The following SLC39A11 variants were observed in gnomAD, a reference collection of about 807,000 sequenced individuals.
The protein encoded by SLC39A11 is zinc transporter ZIP11.
A neutral mutation model predicts 36.1 loss-of-function variants in SLC39A11; 33 were observed. That is an observed-to-expected ratio of 0.91 (90% CI 0.69 to 1.22). The LOEUF (loss-of-function observed/expected upper bound fraction) is 1.22, where lower values mean the gene tolerates loss of function less well. Among genes scored for constraint, SLC39A11 ranks in the 50% most tolerant of loss-of-function variants. The pLI is 0.00. For missense variants in SLC39A11, 432 were observed against 430.3 expected, an observed-to-expected ratio of 1.00 and a Z score of -0.03; for synonymous variants, 166 against 170.3, an observed-to-expected ratio of 0.97 and a Z score of 0.20.
At chr17:72,661,701 G>A (rs1447319840) in intron 7 of SLC39A11, among the ~76,000 whole-genome samples, 3 of 152,212 alleles carry the variant, frequency 2.0e-5, no homozygotes, top group African/African-American at 7.2e-5. Context: ...GGCCCTACCT[G>A]CTCAGAGGAG....
rs866441810 is a variant in SLC39A11, at chr17:72,646,770, C to G, written c.*814G>C. The G allele has an allele frequency of 6.6e-6, 1 of 152,502 alleles. No homozygotes were observed. The highest frequency in any genetic ancestry group is 1.5e-5 in the Non-Finnish European group (1 of 68,018). 9.4% of individuals were successfully genotyped at this position (152,502 alleles called of 1,614,324 possible). On this transcript the variant is annotated 3_prime_UTR_variant, in exon 10 of 10. Transcript: ENST00000255559. ...AGAAACATGATGGCTATAAACTTATCAAAATAAATGCCTAAGAAATTTGGA... is the reference window on the plus strand; with the variant it reads ...AGAAACATGATGGCTATAAACTTATGAAAATAAATGCCTAAGAAATTTGGA...
chr17:72,934,282 T>C (rs114963253), intron 5 of SLC39A11, among the ~76,000 whole-genome samples: 4 of 152,232 alleles, frequency 2.6e-5, no homozygotes, highest in African/African-American at 9.6e-5. Flanking sequence ...AAAGGCACTG[T>C]TAAGAAGAGG....
chr17:72,689,424 CAGCAA>C (rs376007916), intron 7 of SLC39A11, among the ~76,000 whole-genome samples: 91,216 of 152,056 alleles, frequency 0.6, 27,930 homozygotes, highest in South Asian at 0.71. Flanking sequence ...CCATATAAGT[CAGCAA>C]TTCCACTCCT....
At chr17:72,697,678 T>A (rs1167784973) in intron 7 of SLC39A11, among the ~76,000 whole-genome samples, 1 of 151,672 alleles carries the variant, frequency 6.6e-6, no homozygotes, top group Non-Finnish European at 1.5e-5. Context: ...AAACACTGAG[T>A]CATATCCCCT....
At chr17:72,740,936 G>A (rs1015279851) in intron 6 of SLC39A11, among the ~76,000 whole-genome samples, 27 of 151,792 alleles carry the variant, frequency 1.8e-4, no homozygotes, top group Non-Finnish European at 2.8e-4. Flanking sequence ...CACCATGCCC[G>A]GCTAATTTTG....
chr17:72,993,844 G>A (rs746925270), intron 4 of SLC39A11, among the ~76,000 whole-genome samples: 6 of 151,730 alleles, frequency 4.0e-5, no homozygotes, highest in Non-Finnish European at 8.8e-5. Context: ...TGCCCCTTCC[G>A]AGTCAGCACC....
chr17:72,911,778 G>T (rs2083016324), intron 5 of SLC39A11, among the ~76,000 whole-genome samples: 1 of 152,080 alleles, frequency 6.6e-6, no homozygotes, highest in Admixed American at 6.5e-5. Context: ...CGAGTAGCTG[G>T]AATTACAGGC....
chr17:72,741,231 AAGTTTTTCAT>A (rs1223611736), intron 6 of SLC39A11, among the ~76,000 whole-genome samples: 2 of 151,792 alleles, frequency 1.3e-5, no homozygotes, highest in East Asian at 3.9e-4. Flanking sequence ...ATTTTTAAAA[AAGTTTTTCAT>A]AGAGATGGTC....
At chr17:72,959,297 A>C (rs1055714350) in intron 4 of SLC39A11, among the ~76,000 whole-genome samples, 1 of 141,266 alleles carries the variant, frequency 7.1e-6, no homozygotes, top group African/African-American at 2.7e-5. Flanking sequence ...GTGGACAAAG[A>C]AACTGGTGTA....
intron 6 of SLC39A11, among the ~76,000 whole-genome samples, chr17:72,769,608 G>T (rs772900917): frequency 6.6e-6 from 1 of 151,434 alleles, no homozygotes; most frequent in African/African-American, 2.4e-5. Flanking sequence ...GGAGTGGCCC[G>T]ATCTCGGCTC....
intron 5 of SLC39A11, among the ~76,000 whole-genome samples, chr17:72,880,216 G>C (rs2081123383): frequency 6.6e-6 from 1 of 152,238 alleles, no homozygotes; most frequent in Non-Finnish European, 1.5e-5. Context: ...CCATCACGAT[G>C]TGGGGAATGA....
At chr17:72,783,538 C>T (rs1427820186) in intron 6 of SLC39A11, among the ~76,000 whole-genome samples, 1 of 152,246 alleles carries the variant, frequency 6.6e-6, no homozygotes, top group Admixed American at 6.5e-5. Context: ...GAATCTACCT[C>T]AGCCAGATGG....
intron 7 of SLC39A11, 82 bp downstream of exon 7, chr17:72,736,568 G>A: frequency 8.2e-7 from 1 of 1,225,460 alleles, no homozygotes; most frequent in South Asian, 1.2e-5. Context: ...ATAATGCACA[G>A]ACAGCCCACC....
chr17:72,931,441 T>C (rs1027213707), intron 5 of SLC39A11, among the ~76,000 whole-genome samples: 4 of 152,212 alleles, frequency 2.6e-5, no homozygotes, highest in Non-Finnish European at 4.4e-5. Context: ...CCTGTGGGAC[T>C]GTGCCTCGAA....
At chr17:72,662,409 A>G (rs1376922354) in intron 7 of SLC39A11, among the ~76,000 whole-genome samples, 1 of 150,784 alleles carries the variant, frequency 6.6e-6, no homozygotes, top group Admixed American at 6.6e-5. Flanking sequence ...GGAGGGAAGA[A>G]AGAAAAAGAA....
At chr17:73,065,133 A>T (rs1212608024) in intron 3 of SLC39A11, among the ~76,000 whole-genome samples, 1 of 152,212 alleles carries the variant, frequency 6.6e-6, no homozygotes. Context: ...GGCCAGGCTC[A>T]GTGGCTCACG....
chr17:72,995,685 T>C (rs755174048), intron 4 of SLC39A11, among the ~76,000 whole-genome samples: 9 of 152,214 alleles, frequency 5.9e-5, no homozygotes, highest in Non-Finnish European at 1.0e-4. Context: ...GTGGCACTCC[T>C]GGTTCCTGGG....
intron 9 of SLC39A11, 149 bp downstream of exon 9, chr17:72,648,654 T>C (rs1598208951): frequency 3.1e-6 from 3 of 959,882 alleles, no homozygotes; most frequent in East Asian, 5.3e-5. Flanking sequence ...GAGAGCACAG[T>C]TGAGGAGGCA....
At chr17:72,750,092 G>T (rs2075095806) in intron 6 of SLC39A11, among the ~76,000 whole-genome samples, 1 of 152,208 alleles carries the variant, frequency 6.6e-6, no homozygotes, top group African/African-American at 2.4e-5. Context: ...CGAGGAATCA[G>T]GTGAACCTCT....
Sources: allele counts gnomAD v4.1 joint callset (sites outside exome capture counted in the v4.1 genomes callset), GRCh38; gene constraint gnomAD v4.1.1; transcripts MANE v1.5; gene names NCBI Gene and HGNC (gene_info 2026-07-23, HGNC 2026-07-21).